MARCHF11: variants seen among roughly 807,000 people sequenced by gnomAD.
The protein encoded by MARCHF11 is E3 ubiquitin-protein ligase MARCHF11.
In MARCHF11, 29 loss-of-function variants were observed where a neutral mutation model predicts 37.3. The observed-to-expected ratio is 0.78, with a 90% confidence interval of 0.58 to 1.06. MARCHF11 has a LOEUF of 1.06. Ranked by LOEUF, MARCHF11 falls within the 50% of genes least tolerant of loss-of-function variation. MARCHF11 has a pLI of 0.00. For missense variants in MARCHF11, 482 were observed against 533.4 expected (o/e 0.90, Z 0.95); for synonymous variants, 233 against 228.0 (o/e 1.02, Z -0.20).
intron 3 of MARCHF11, among the ~76,000 whole-genome samples, chr5:16,071,115 C>A (rs1397973984): frequency 3.3e-5 from 5 of 152,214 alleles, no homozygotes; most frequent in African/African-American, 1.2e-4. Context: ...TGCTTTCTTA[C>A]TGATGATCAA....
chr5:16,165,962 G>A (rs1738162445), intron 2 of MARCHF11, among the ~76,000 whole-genome samples: 1 of 152,002 alleles, frequency 6.6e-6, no homozygotes, highest in South Asian at 2.1e-4. Flanking sequence ...TGAACCACCA[G>A]TGCAATTATT....
At chr5:16,162,423 T>C (rs1354027647) in intron 2 of MARCHF11, among the ~76,000 whole-genome samples, 1 of 151,968 alleles carries the variant, frequency 6.6e-6, no homozygotes, top group African/African-American at 2.4e-5. Flanking sequence ...AAACAAACCA[T>C]AGTAAATATT....
intron 2 of MARCHF11, among the ~76,000 whole-genome samples, chr5:16,168,246 C>G (rs1738203236): frequency 6.6e-6 from 1 of 152,132 alleles, no homozygotes; most frequent in Admixed American, 6.6e-5. Context: ...TTGAGGGCAG[C>G]AAGTAGACAG....
chr5:16,129,106 G>A (rs1737469267), intron 2 of MARCHF11: 1 of 152,150 alleles, frequency 6.6e-6, no homozygotes, highest in Non-Finnish European at 1.5e-5. Context: ...AATTTTAACA[G>A]CATCGTTCAG....
At chr5:16,086,302 A>G (rs1736697454) in intron 3 of MARCHF11, among the ~76,000 whole-genome samples, 1 of 152,202 alleles carries the variant, frequency 6.6e-6, no homozygotes, top group Non-Finnish European at 1.5e-5. Flanking sequence ...ATCAAAATGC[A>G]GAAAGGGGAC....
At chr5:16,154,201 T>C (rs1156540767) in intron 2 of MARCHF11, among the ~76,000 whole-genome samples, 1 of 152,002 alleles carries the variant, frequency 6.6e-6, no homozygotes, top group Non-Finnish European at 1.5e-5. Flanking sequence ...AGGGGTTTTC[T>C]GTAGCTACAC....
At chr5:16,169,260 G>T (rs1008203507) in intron 2 of MARCHF11, among the ~76,000 whole-genome samples, 2 of 151,888 alleles carry the variant, frequency 1.3e-5, no homozygotes, top group African/African-American at 4.8e-5. Context: ...ACTTATGGGC[G>T]ACATCCTCCT....
intron 2 of MARCHF11, among the ~76,000 whole-genome samples, chr5:16,157,791 A>C (rs959392983): frequency 2.6e-5 from 4 of 151,884 alleles, no homozygotes; most frequent in African/African-American, 9.7e-5. Context: ...ATTTTTTTGG[A>C]GATGATACCA....
chr5:16,170,106 A>T (rs945657870), intron 2 of MARCHF11, among the ~76,000 whole-genome samples: 1 of 152,162 alleles, frequency 6.6e-6, no homozygotes, highest in African/African-American at 2.4e-5. Flanking sequence ...TCATCAAAAA[A>T]GTCACCTAGT....
At chr5:16,069,510 C>A (rs1736400797) in intron 3 of MARCHF11, among the ~76,000 whole-genome samples, 1 of 151,938 alleles carries the variant, frequency 6.6e-6, no homozygotes, top group African/African-American at 2.4e-5. Context: ...TTCAAAATTT[C>A]AAAAATAACA....
At chr5:16,114,384 G>A (rs2126572549) in intron 2 of MARCHF11, among the ~76,000 whole-genome samples, 1 of 152,282 alleles carries the variant, frequency 6.6e-6, no homozygotes, top group South Asian at 2.1e-4. Context: ...GATGAAAACT[G>A]CGATTACAAA....
intron 2 of MARCHF11, among the ~76,000 whole-genome samples, chr5:16,164,542 A>C (rs1738138852): frequency 6.6e-6 from 1 of 152,038 alleles, no homozygotes; most frequent in African/African-American, 2.4e-5. Context: ...GGATTTTAAA[A>C]ATATAATATG....
chr5:16,128,989 A>T (rs941960880), intron 2 of MARCHF11, among the ~76,000 whole-genome samples: 2 of 152,176 alleles, frequency 1.3e-5, no homozygotes, highest in Admixed American at 6.5e-5. Context: ...TATTTTGCAC[A>T]TATGGCCACA....
At chr5:16,104,139 G>A (rs572887071) in intron 2 of MARCHF11, among the ~76,000 whole-genome samples, 9 of 152,254 alleles carry the variant, frequency 5.9e-5, no homozygotes, top group South Asian at 2.1e-4. Flanking sequence ...CCAGCTTCTC[G>A]ACCCTTTCTC....
chr5:16,173,725 T>C (rs1438281886), intron 2 of MARCHF11, among the ~76,000 whole-genome samples: 6 of 152,202 alleles, frequency 3.9e-5, no homozygotes, highest in African/African-American at 1.4e-4. Flanking sequence ...CCTGTGGCAG[T>C]GAGCAAGTGA....
chr5:16,086,987 G>C (rs769130032), intron 3 of MARCHF11, among the ~76,000 whole-genome samples: 2 of 152,140 alleles, frequency 1.3e-5, no homozygotes, highest in African/African-American at 2.4e-5. Context: ...ATCTTTTTTA[G>C]TGGGAAGCCA....
intron 3 of MARCHF11, among the ~76,000 whole-genome samples, chr5:16,068,428 A>G (rs1736385130): frequency 6.6e-6 from 1 of 152,190 alleles, no homozygotes; most frequent in African/African-American, 2.4e-5. Context: ...CGTTTGGCAA[A>G]CAAGGAAACC....
chr5:16,174,208 A>G (rs572086234), intron 2 of MARCHF11, among the ~76,000 whole-genome samples: 1 of 152,366 alleles, frequency 6.6e-6, no homozygotes, highest in South Asian at 2.1e-4. Context: ...CAGATTCAAA[A>G]CAGAACTAGG....
chr5:16,168,091 C>T (rs753786182), intron 2 of MARCHF11, among the ~76,000 whole-genome samples: 13 of 152,154 alleles, frequency 8.5e-5, no homozygotes, highest in Middle Eastern at 6.8e-3. Context: ...GAATTCTCCC[C>T]ACAGGCAATT....
Sources: allele counts gnomAD v4.1 joint callset (sites outside exome capture counted in the v4.1 genomes callset), GRCh38; gene constraint gnomAD v4.1.1; transcripts MANE v1.5; gene names NCBI Gene and HGNC (gene_info 2026-07-23, HGNC 2026-07-21).